STK35: variants seen among roughly 807,000 people sequenced by gnomAD.
STK35 encodes the protein serine/threonine-protein kinase 35.
Under a neutral mutation model 37.3 loss-of-function variants are expected in STK35, and 17 were observed. The ratio of observed to expected loss-of-function variants is 0.46; its 90% confidence interval spans 0.31 to 0.68. The LOEUF is 0.68. STK35 is among the 30% of genes least tolerant of loss of function. The pLI is 0.05. For synonymous variants in STK35, 385 were observed against 319.1 expected (o/e 1.21, Z -2.20); for missense variants, 595 against 746.7 (o/e 0.80, Z 2.37).
At position 2,145,516 on chromosome 20, in the gene STK35, A is replaced by G. The variant is rs1298200207; in HGVS notation, c.*1770A>G. The stretch of plus-strand genomic sequence containing the variant: ...GCCAGGCTCAGCAATATGTTTGCTC[A>G]CATTCTTTCAGCCTTCTGTCACCCC... On this transcript the variant is annotated 3_prime_UTR_variant, in exon 4 of 4. Coordinates refer to ENST00000381482, the MANE Select transcript of STK35 (RefSeq NM_080836.4). 6.6e-6 allele frequency: 1 copy of G among 152,142 alleles called. No homozygotes were observed. The highest frequency in any genetic ancestry group is 1.5e-5 in the Non-Finnish European group (1 of 68,030). The allele number at this position is 152,142 out of a possible 1,614,324, so 9.4% of individuals were successfully genotyped here. A position where few individuals can be genotyped will look rare whatever the true frequency, so the allele number is the denominator to read the frequency against.
chr20:2,109,817 T>C (rs58979870), intron 2 of STK35, among the ~76,000 whole-genome samples: 1,617 of 152,326 alleles, frequency 0.011, 24 homozygotes, highest in African/African-American at 0.034. Flanking sequence ...TTCTTAGTGT[T>C]CTAAGAAATT....
intron 3 of STK35, among the ~76,000 whole-genome samples, chr20:2,131,338 G>T (rs1026865125): frequency 6.6e-6 from 1 of 152,216 alleles, no homozygotes; most frequent in Non-Finnish European, 1.5e-5. Flanking sequence ...AAATGGCTGG[G>T]CTTGCTGGCT....
chr20:2,143,221 C>T (rs1325471206), intron 3 of STK35, among the ~76,000 whole-genome samples: 1 of 152,192 alleles, frequency 6.6e-6, no homozygotes, highest in African/African-American at 2.4e-5. Context: ...TCCAGCCCTG[C>T]CCCTGGGTGT....
At chr20:2,138,186 C>T (rs1986117054) in intron 3 of STK35, among the ~76,000 whole-genome samples, 2 of 152,064 alleles carry the variant, frequency 1.3e-5, no homozygotes, top group Non-Finnish European at 2.9e-5. Context: ...CCAATAATAC[C>T]CCACTTTGAG....
At position 2,102,139 on chromosome 20, in the gene STK35, G is replaced by A. The variant is rs897581458; in HGVS notation, c.258G>A (p.Gly86=). 3 of 1,392,070 alleles carry A rather than the reference G, an allele frequency of 2.2e-6. No individual in the cohort carries two copies. The highest frequency in any genetic ancestry group is 1.9e-6 in the Non-Finnish European group (2 of 1,072,300). 86.2% of individuals were successfully genotyped at this position (1,392,070 alleles called of 1,614,324 possible). A position where few individuals can be genotyped will look rare whatever the true frequency, so the allele number is the denominator to read the frequency against. The change falls in exon 1 of 4, where the codon GGG becomes GGA. Residue 86 remains glycine (G), a synonymous_variant. Coordinates refer to ENST00000381482, the MANE Select transcript of STK35 (RefSeq NM_080836.4). ...ATCCCCAGGCAGGGGCTCCAGGGGG[G>A]AAACGGGCCGCCCGGAAGTGGAGGT... ...ADHPQAGAPG[G]KRAARKWRCA...
intron 3 of STK35, among the ~76,000 whole-genome samples, chr20:2,135,974 A>G (rs1568581779): frequency 6.6e-6 from 1 of 152,198 alleles, no homozygotes; most frequent in South Asian, 2.1e-4. Flanking sequence ...CTCCAGCCTG[A>G]CAGAGCAAGG....
At chr20:2,124,581 C>G (rs1051266010) in intron 3 of STK35, among the ~76,000 whole-genome samples, 2 of 152,174 alleles carry the variant, frequency 1.3e-5, no homozygotes, top group African/African-American at 4.8e-5. Flanking sequence ...TCCAGAACCC[C>G]TGAGGTTCTT....
At chr20:2,109,832 C>G (rs886286524) in intron 2 of STK35, among the ~76,000 whole-genome samples, 3 of 152,200 alleles carry the variant, frequency 2.0e-5, no homozygotes, top group Admixed American at 6.5e-5. Flanking sequence ...GAAATTTGCC[C>G]AGGATCATAT....
At chr20:2,140,064 T>A (rs148075548) in intron 3 of STK35, among the ~76,000 whole-genome samples, 54 of 152,334 alleles carry the variant, frequency 3.5e-4, no homozygotes, top group African/African-American at 1.2e-3. Flanking sequence ...AACTCTGGTG[T>A]GGGGCAAGTT....
chr20:2,111,210 A>G (rs117485812), intron 2 of STK35, among the ~76,000 whole-genome samples: 2,436 of 152,286 alleles, frequency 0.016, 25 homozygotes, highest in Non-Finnish European at 0.026. Context: ...TCCCATCGCC[A>G]ACCCCTCATG....
chr20:2,126,814 A>G (rs544623922), intron 3 of STK35, among the ~76,000 whole-genome samples: 1 of 152,360 alleles, frequency 6.6e-6, no homozygotes, highest in South Asian at 2.1e-4. Flanking sequence ...TTTCACTTTC[A>G]GTTAGAGGTG....
intron 3 of STK35, among the ~76,000 whole-genome samples, chr20:2,127,072 G>A (rs1206623312): frequency 2.6e-5 from 4 of 152,112 alleles, no homozygotes; most frequent in Admixed American, 6.5e-5. Flanking sequence ...CCCTGAACTC[G>A]GAGGCCTGGT....
chr20:2,143,225 T>A (rs1413204361), intron 3 of STK35, among the ~76,000 whole-genome samples: 1 of 152,156 alleles, frequency 6.6e-6, no homozygotes, highest in African/African-American at 2.4e-5. Context: ...GCCCTGCCCC[T>A]GGGTGTGGGA....
Position 2,131,473 on chromosome 20 carries a change from T to G in STK35, c.*38-12311T>G, listed in dbSNP as rs185467339. Among the ~76,000 whole-genome samples the G allele has an allele frequency of 1.1e-3, 161 of 150,818 alleles. 1 individual carries two copies. Among genetic ancestry groups the G allele is most frequent in the African/African-American group, 3.2e-3 (131 of 41,152 alleles). The stretch of plus-strand genomic sequence containing the variant: ...CTACAAAATTATATTAAAGTTTTGT[T>G]TTTTTTTTTAAGATTAAAAATGGTA... On this transcript the variant is annotated intron_variant, in intron 3 of 3. Transcript: ENST00000381482.
At chr20:2,136,741 G>A (rs1237344376) in intron 3 of STK35, among the ~76,000 whole-genome samples, 2 of 152,230 alleles carry the variant, frequency 1.3e-5, no homozygotes, top group Non-Finnish European at 2.9e-5. Context: ...GGTCACCTGA[G>A]AGGCTTAAGA....
At chr20:2,107,266 ACT>A (rs1985533139) in intron 2 of STK35, among the ~76,000 whole-genome samples, 4 of 152,326 alleles carry the variant, frequency 2.6e-5, no homozygotes, top group African/African-American at 9.6e-5. Context: ...GTGAGGACAC[ACT>A]CACAGACACT....
Position 2,144,393 on chromosome 20 carries a change from G to C in STK35, c.*647G>C, listed in dbSNP as rs1389066732. The C allele has an allele frequency of 3.1e-5, 5 of 161,266 alleles. No homozygotes were observed. The highest frequency in any genetic ancestry group is 9.6e-5 in the African/African-American group (4 of 41,484). 10.0% of individuals were successfully genotyped at this position (161,266 alleles called of 1,614,324 possible). ...GTGAAGAACCGCCTGGAAGAGGAAG[G>C]CCAGGGTTTGGCCAGGAGAACTAAG... On this transcript the variant is annotated 3_prime_UTR_variant, in exon 4 of 4. Transcript: ENST00000381482.
In STK35 at chr20:2,144,720, A is replaced by ATGTGTCCCATAGTGTCCAGG. The variant is rs1427449602; in HGVS notation, c.*978_*997dup. ...GCCTCCTGGATTGTCATCTTCCCAGATGTGTCCCATAGTGTCCAGGTGTCA... is the reference window on the plus strand; with the variant it reads ...GCCTCCTGGATTGTCATCTTCCCAGATGTGTCCCATAGTGTCCAGGTGTGTCCCATAGTGTCCAGGTGTCA... On this transcript the variant is annotated 3_prime_UTR_variant, in exon 4 of 4. Coordinates refer to ENST00000381482, the MANE Select transcript of STK35 (RefSeq NM_080836.4). 2.6e-5 allele frequency: 4 copies of ATGTGTCCCATAGTGTCCAGG among 152,920 alleles called. No individual in the cohort carries two copies. The highest frequency in any genetic ancestry group is 9.7e-5 in the African/African-American group (4 of 41,430). 9.5% of individuals were successfully genotyped at this position (152,920 alleles called of 1,614,324 possible).
intron 3 of STK35, among the ~76,000 whole-genome samples, chr20:2,123,735 T>A (rs966991231): frequency 6.6e-6 from 1 of 152,054 alleles, no homozygotes; most frequent in Non-Finnish European, 1.5e-5. Context: ...TTTAAAATCG[T>A]TTTAGGTGAG....
Sources: gnomAD v4.1 joint callset for allele counts (sites outside exome capture counted in the v4.1 genomes callset) on GRCh38, gnomAD v4.1.1 for gene constraint, MANE v1.5 for transcripts, NCBI Gene and HGNC (gene_info 2026-07-23, HGNC 2026-07-21) for gene names.